The following LRP1B variants were observed in gnomAD, a reference collection of about 807,000 sequenced individuals.
The protein encoded by LRP1B is low-density lipoprotein receptor-related protein 1B.
LRP1B carries 217 observed loss-of-function variants against 556.6 expected under a neutral mutation model. The ratio of observed to expected loss-of-function variants is 0.39; its 90% confidence interval spans 0.35 to 0.44. The LOEUF (loss-of-function observed/expected upper bound fraction) is 0.44, where lower values mean the gene tolerates loss of function less well. Ranked by LOEUF, LRP1B falls within the 20% of genes least tolerant of loss-of-function variation. The pLI is 1.00. For missense variants in LRP1B, 5,053 were observed against 5,620.8 expected (o/e 0.90, Z 3.23); for synonymous variants, 2,047 against 1,865.8 (o/e 1.10, Z -2.50).
intron 6 of LRP1B, among the ~76,000 whole-genome samples, chr2:141,221,835 A>T (rs1452365067): frequency 6.6e-6 from 1 of 152,202 alleles, no homozygotes; most frequent in Non-Finnish European, 1.5e-5. Context: ...CTCCTGGGTA[A>T]ATAATGAAAT....
intron 41 of LRP1B, among the ~76,000 whole-genome samples, chr2:140,693,365 T>C (rs1486472453): frequency 6.6e-6 from 1 of 152,166 alleles, no homozygotes; most frequent in Non-Finnish European, 1.5e-5. Flanking sequence ...TCACCCAGGC[T>C]AGAGTGCAGT....
chr2:140,546,488 T>G (rs112925744), intron 43 of LRP1B, among the ~76,000 whole-genome samples: 4,258 of 152,038 alleles, frequency 0.028, 68 homozygotes, highest in African/African-American at 0.042. Context: ...GCAGAAGGGG[T>G]AGCAAACACG....
At chr2:141,322,696 G>A (rs1388392877) in intron 3 of LRP1B, among the ~76,000 whole-genome samples, 1 of 151,858 alleles carries the variant, frequency 6.6e-6, no homozygotes, top group Non-Finnish European at 1.5e-5. Context: ...TTCTGCCCAC[G>A]ATCTGGGTAA....
chr2:140,596,406 G>A (rs528003348), intron 43 of LRP1B, among the ~76,000 whole-genome samples: 1 of 152,090 alleles, frequency 6.6e-6, no homozygotes, highest in African/African-American at 2.4e-5. Flanking sequence ...CTTCCCTGTC[G>A]ATTTTACTGA....
intron 7 of LRP1B, among the ~76,000 whole-genome samples, chr2:141,158,028 A>G (rs1702113277): frequency 6.6e-6 from 1 of 152,136 alleles, no homozygotes; most frequent in Admixed American, 6.6e-5. Context: ...AAGGTTTTTT[A>G]ATGTGTTTAT....
At chr2:141,115,762 G>A (rs1481551941) in intron 7 of LRP1B, among the ~76,000 whole-genome samples, 2 of 151,968 alleles carry the variant, frequency 1.3e-5, no homozygotes, top group Non-Finnish European at 2.9e-5. Context: ...AATTACAGGC[G>A]TGAGCCACCG....
chr2:140,409,488 A>G (rs1311977409), intron 66 of LRP1B, among the ~76,000 whole-genome samples: 1 of 152,008 alleles, frequency 6.6e-6, no homozygotes, highest in Non-Finnish European at 1.5e-5. Flanking sequence ...GTATTGGCAT[A>G]TTTTACTTCA....
intron 7 of LRP1B, among the ~76,000 whole-genome samples, chr2:141,064,075 G>A (rs529940521): frequency 2.4e-4 from 36 of 151,810 alleles, no homozygotes; most frequent in East Asian, 3.9e-4. Context: ...AAAAAGAGGC[G>A]TCTCAAGACA....
chr2:141,763,436 A>G (rs1694627798), intron 2 of LRP1B, among the ~76,000 whole-genome samples: 1 of 152,188 alleles, frequency 6.6e-6, no homozygotes. Context: ...AGAAGCTCTC[A>G]GGCTGAATGC....
chr2:140,285,995 T>G (rs1683133568), intron 84 of LRP1B, among the ~76,000 whole-genome samples: 1 of 151,818 alleles, frequency 6.6e-6, no homozygotes, highest in Admixed American at 6.6e-5. Context: ...TTACTTTTCA[T>G]AATCTCTAGT....
intron 2 of LRP1B, among the ~76,000 whole-genome samples, chr2:141,677,023 A>G (rs1690910269): frequency 6.6e-6 from 1 of 152,192 alleles, no homozygotes; most frequent in African/African-American, 2.4e-5. Flanking sequence ...AGATTATTAT[A>G]TAATTACAAT....
chr2:141,012,152 A>T (rs948281583), intron 14 of LRP1B, among the ~76,000 whole-genome samples: 6 of 152,104 alleles, frequency 3.9e-5, no homozygotes, highest in African/African-American at 1.4e-4. Flanking sequence ...GGCATTTTTC[A>T]CTACACACGT....
intron 43 of LRP1B, among the ~76,000 whole-genome samples, chr2:140,566,093 TC>T (rs1450182008): frequency 6.6e-6 from 1 of 152,114 alleles, no homozygotes; most frequent in African/African-American, 2.4e-5. Flanking sequence ...TGTATGTGGC[TC>T]CAGAGGTGAG....
At chr2:140,759,540 C>T (rs1224148592) in intron 35 of LRP1B, among the ~76,000 whole-genome samples, 1 of 152,184 alleles carries the variant, frequency 6.6e-6, no homozygotes, top group Non-Finnish European at 1.5e-5. Context: ...TTCACTGACA[C>T]ATTGAGTTAG....
intron 7 of LRP1B, among the ~76,000 whole-genome samples, chr2:141,132,241 G>C (rs534654472): frequency 6.6e-6 from 1 of 151,920 alleles, no homozygotes; most frequent in African/African-American, 2.4e-5. Context: ...TGAGGTATTT[G>C]GATTATGGGG....
At chr2:141,879,718 T>G (rs1698889636) in intron 1 of LRP1B, among the ~76,000 whole-genome samples, 2 of 151,978 alleles carry the variant, frequency 1.3e-5, no homozygotes, top group Non-Finnish European at 2.9e-5. Context: ...AATAGAGTCA[T>G]CTGGGATAAA....
chr2:141,426,472 C>T (rs4356609), intron 3 of LRP1B, among the ~76,000 whole-genome samples: 39,524 of 151,950 alleles, frequency 0.26, 5,403 homozygotes, highest in African/African-American at 0.33. Context: ...ATGAAATAAT[C>T]AAGTCCTGAT....
chr2:140,462,336 T>C (rs1056360225), intron 60 of LRP1B, among the ~76,000 whole-genome samples: 2 of 152,180 alleles, frequency 1.3e-5, no homozygotes, highest in African/African-American at 4.8e-5. Flanking sequence ...ATAGAAAACA[T>C]ATCTTTAAAT....
intron 51 of LRP1B, among the ~76,000 whole-genome samples, chr2:140,511,845 C>A (rs1689675722): frequency 6.6e-6 from 1 of 152,088 alleles, no homozygotes. Flanking sequence ...AGTATGTCTT[C>A]AGTACTTTCT....
Sources: gnomAD v4.1 joint callset for allele counts (sites outside exome capture counted in the v4.1 genomes callset) on GRCh38, gnomAD v4.1.1 for gene constraint, MANE v1.5 for transcripts, NCBI Gene and HGNC (gene_info 2026-07-23, HGNC 2026-07-21) for gene names.